EFCAB13: variants seen among roughly 807,000 people sequenced by gnomAD.
EFCAB13 encodes the protein EF-hand calcium-binding domain-containing protein 13.
Under a neutral mutation model 110.2 loss-of-function variants are expected in EFCAB13, and 91 were observed. The observed-to-expected ratio is 0.83, with a 90% CI of 0.70 to 0.98. The LOEUF (loss-of-function observed/expected upper bound fraction) is 0.98, where lower values mean the gene tolerates loss of function less well. Ranked by LOEUF, EFCAB13 falls within the 50% of genes least tolerant of loss-of-function variation. EFCAB13 has a pLI of 0.00. For synonymous variants in EFCAB13, 323 were observed against 369.9 expected (o/e 0.87, Z 1.45); for missense variants, 968 against 1,119.4 (o/e 0.86, Z 1.93).
intron 15 of EFCAB13, among the ~76,000 whole-genome samples, 182 bp from the exon 16 acceptor site, chr17:47,393,843 G>A (rs548504031): frequency 9.2e-4 from 139 of 151,522 alleles, no homozygotes; most frequent in Admixed American, 6.0e-3. Flanking sequence ...GTTTTTCAGC[G>A]TTTACTTCTC....
intron 18 of EFCAB13, among the ~76,000 whole-genome samples, chr17:47,403,042 T>TA (rs1052899163): frequency 6.6e-6 from 1 of 152,218 alleles, no homozygotes; most frequent in African/African-American, 2.4e-5. Flanking sequence ...GCAGAGCTGA[T>TA]ACAGGTTTTC....
chr17:47,430,452 G>A (rs910307958), intron 24 of EFCAB13: 1 of 154,462 alleles, frequency 6.5e-6, no homozygotes, highest in Non-Finnish European at 1.4e-5. Flanking sequence ...GAGTTGGGGA[G>A]TATTTTTTTG....
rs544493135 is a variant in EFCAB13, at chr17:47,357,789, G to C, written c.662-3589G>C. On this transcript the variant is annotated intron_variant, in intron 9 of 24. Coordinates refer to ENST00000331493, the MANE Select transcript of EFCAB13 (RefSeq NM_152347.5). ...AAACACACATATAAATCTATAGTCA[G>C]AAAAAAATGTAAGTTGAGTTCCAGA... 3.3e-5 allele frequency among the ~76,000 whole-genome samples: 5 copies of C among 152,218 alleles called. No homozygotes were observed. The South Asian group carries it at 1.0e-3, about 32-fold the overall frequency.
chr17:47,351,390 T>TA (rs2065452509), intron 9 of EFCAB13, among the ~76,000 whole-genome samples: 1 of 152,022 alleles, frequency 6.6e-6, no homozygotes, highest in Non-Finnish European at 1.5e-5. Context: ...GTCTTTGCTA[T>TA]TGTGGATTGT....
chr17:47,405,779 G>C (rs1598753956), intron 20 of EFCAB13, among the ~76,000 whole-genome samples: 1 of 150,546 alleles, frequency 6.6e-6, no homozygotes, highest in South Asian at 2.1e-4. Context: ...CTAGCTCTTG[G>C]GTTTATCTTT....
chr17:47,379,323 AG>A, intron 14 of EFCAB13, 70 bp downstream of exon 14: 1 of 1,238,932 alleles, frequency 8.1e-7, no homozygotes, highest in Non-Finnish European at 1.2e-6. Flanking sequence ...TAGGTTCAAC[AG>A]AACTGGGCTT....
chr17:47,379,223 G>A lies in EFCAB13; in HGVS notation c.1552G>A (p.Ala518Thr), dbSNP rs550540724. ...VELDDFVNAL[A>T]KERSFPECNA... ...GTTAGATGACTTTGTAAATGCTCTC[G>A]CCAAGGAGCGAAGTTTTCCTGAATG... The change falls in exon 14 of 25, where the codon GCC (alanine) becomes ACC (threonine). Residue 518 changes from alanine (A) to threonine (T), a missense_variant. Ala to Thr is a moderately conservative substitution (Grantham distance 58). Coordinates refer to ENST00000331493, the MANE Select transcript of EFCAB13 (RefSeq NM_152347.5). The A allele has an allele frequency of 8.7e-6, 14 of 1,613,374 alleles. No individual in the cohort carries two copies. Among genetic ancestry groups the A allele is most frequent in the Middle Eastern group, 3.3e-4 (2 of 6,058 alleles).
chr17:47,412,321 C>CT (rs1264007957), intron 21 of EFCAB13, among the ~76,000 whole-genome samples: 1 of 152,142 alleles, frequency 6.6e-6, no homozygotes, highest in Non-Finnish European at 1.5e-5. Context: ...GAAAGGTACC[C>CT]TTTTTTGTAA....
intron 17 of EFCAB13, among the ~76,000 whole-genome samples, chr17:47,399,911 T>C (rs1234928381): frequency 2.6e-5 from 4 of 152,108 alleles, no homozygotes; most frequent in African/African-American, 9.7e-5. Flanking sequence ...GTGAAGAAAG[T>C]TGGTGTTGAG....
chr17:47,432,656 A>G (rs1196044381), intron 24 of EFCAB13, among the ~76,000 whole-genome samples: 1 of 152,156 alleles, frequency 6.6e-6, no homozygotes, highest in Non-Finnish European at 1.5e-5. Context: ...TTTGTTTTTA[A>G]TAATGCTTTT....
Position 47,343,540 on chromosome 17 carries a change from T to C in EFCAB13, c.304-622T>C, listed in dbSNP as rs79872574. ...GCATCTCAGTACCAATTCCTGTCAATCTTGTGTAACGTGAGAGTCTTTTTT... is the reference window on the plus strand; with the variant it reads ...GCATCTCAGTACCAATTCCTGTCAACCTTGTGTAACGTGAGAGTCTTTTTT... On this transcript the variant is annotated intron_variant, in intron 6 of 24. Coordinates refer to ENST00000331493, the MANE Select transcript of EFCAB13 (RefSeq NM_152347.5). 1.1e-4 allele frequency among the ~76,000 whole-genome samples: 16 copies of C among 152,250 alleles called. No individual in the cohort carries two copies. The East Asian group carries it at 2.9e-3, about 28-fold the overall frequency.
chr17:47,383,877 A>C (rs2143389603), intron 14 of EFCAB13, among the ~76,000 whole-genome samples: 1 of 152,264 alleles, frequency 6.6e-6, no homozygotes, highest in Middle Eastern at 3.4e-3. Flanking sequence ...GCTGAGTTCA[A>C]GTCCTGAAAA....
chr17:47,398,349 G>A (rs1348790991), intron 17 of EFCAB13, among the ~76,000 whole-genome samples: 18 of 148,962 alleles, frequency 1.2e-4, no homozygotes, highest in East Asian at 4.2e-4. Flanking sequence ...CCACCACCCC[G>A]TCTGGGAGGT....
chr17:47,397,160 C>T (rs1432255082), intron 17 of EFCAB13, among the ~76,000 whole-genome samples: 2 of 151,988 alleles, frequency 1.3e-5, no homozygotes, highest in Non-Finnish European at 2.9e-5. Context: ...TGCAGGCGCG[C>T]GCCGCCACGC....
At chr17:47,372,634 G>C (rs776340637) in intron 11 of EFCAB13, among the ~76,000 whole-genome samples, 5 of 152,082 alleles carry the variant, frequency 3.3e-5, no homozygotes, top group Admixed American at 6.6e-5. Context: ...GACAAATATA[G>C]GGGATGAACT....
Position 47,431,603 on chromosome 17 carries a change from T to C in EFCAB13, c.2638+1642T>C, listed in dbSNP as rs926658061. Among the ~76,000 whole-genome samples, 1 of 152,144 alleles carries C rather than the reference T, an allele frequency of 6.6e-6. No individual in the cohort carries two copies. The highest frequency in any genetic ancestry group is 6.5e-5 in the Admixed American group (1 of 15,268). On this transcript the variant is annotated intron_variant, in intron 24 of 24. Coordinates refer to ENST00000331493, the MANE Select transcript of EFCAB13 (RefSeq NM_152347.5). The surrounding 1 kb of genome is among the most constrained non-coding windows in gnomAD (Gnocchi z 4.1). ...TTTTATAGTCATTACATTATTAATTTCTAGTTTAATTGCATTGTGGTGGTC... is the reference window on the plus strand; with the variant it reads ...TTTTATAGTCATTACATTATTAATTCCTAGTTTAATTGCATTGTGGTGGTC...
intron 9 of EFCAB13, among the ~76,000 whole-genome samples, chr17:47,360,309 A>G (rs1320493801): frequency 6.6e-6 from 1 of 152,012 alleles, no homozygotes; most frequent in African/African-American, 2.4e-5. Flanking sequence ...CTTTTTAATG[A>G]TCGCCATTCT....
chr17:47,429,774 C>G lies in EFCAB13; in HGVS notation c.2495-44C>G, dbSNP rs781510333. 1.6e-5 allele frequency: 24 copies of G among 1,537,788 alleles called. No homozygotes were observed. In the East Asian group the frequency reaches 4.9e-4, roughly 31 times the overall value. ...TAAGTGATAACTAATAACATATGCT[C>G]TATTTCTGCTGTTGAAACATTTGCT... is the stretch of plus-strand genomic sequence containing the variant. On this transcript the variant is annotated intron_variant, in intron 23 of 24. Transcript: ENST00000331493.
At chr17:47,392,530 G>C (rs1170249221) in intron 15 of EFCAB13, among the ~76,000 whole-genome samples, 2 of 152,146 alleles carry the variant, frequency 1.3e-5, no homozygotes, top group African/African-American at 2.4e-5. Flanking sequence ...GACTAAAAGA[G>C]TGTGAGAATG....
Sources: allele counts gnomAD v4.1 joint callset (sites outside exome capture counted in the v4.1 genomes callset), GRCh38; gene constraint gnomAD v4.1.1; non-coding constraint Gnocchi (gnomAD v3.1); transcripts MANE v1.5; gene names NCBI Gene and HGNC (gene_info 2026-07-23, HGNC 2026-07-21).